SORL1: variants seen among roughly 807,000 people sequenced by gnomAD.
SORL1 encodes sortilin related receptor 1, also known as sortilin-related receptor.
Under a neutral mutation model 273.7 loss-of-function variants are expected in SORL1, and 127 were observed. The ratio of observed to expected loss-of-function variants is 0.46; its 90% confidence interval spans 0.40 to 0.54. SORL1 has a LOEUF of 0.54. Among genes scored for constraint, SORL1 ranks in the 20% least tolerant of loss-of-function variants. SORL1 has a pLI of 0.00. For synonymous variants in SORL1, 1,031 were observed against 1,067.4 expected, an observed-to-expected ratio of 0.97 and a Z score of 0.66; for missense variants, 2,494 against 2,846.1, an observed-to-expected ratio of 0.88 and a Z score of 2.81.
chr11:121,472,901 G>C (rs567186241), intron 2 of SORL1, among the ~76,000 whole-genome samples: 4 of 151,246 alleles, frequency 2.6e-5, no homozygotes, highest in Admixed American at 1.3e-4. Flanking sequence ...TGGAGGTTGC[G>C]ATGAGCTGAG....
At position 121,583,520 on chromosome 11, in the gene SORL1, C is replaced by T. The variant is rs776459268; in HGVS notation, c.3643C>T (p.Arg1215Trp). The change falls in exon 26 of 48, where the codon CGG (arginine) becomes TGG (tryptophan). Residue 1215 changes from arginine to tryptophan, a missense_variant. Around this residue, in one of 3 missense-constraint regions of SORL1, gnomAD observed 1,609 missense variants for 1,816.4 expected, o/e 0.89. Transcript: ENST00000260197. ...QCRNGHCIPQ[R>W]WACDGDTDCQ... ...CCGAAACGGGCACTGCATCCCCCAG[C>T]GGTGGGCGTGTGACGGGGATACGGA... The T allele has an allele frequency of 1.1e-5, 17 of 1,612,680 alleles. No homozygotes were observed. Among genetic ancestry groups the T allele is most frequent in the Non-Finnish European group, 1.3e-5 (15 of 1,179,394 alleles).
At chr11:121,618,665 C>A (rs1863673910) in intron 41 of SORL1, 109 bp from the exon 42 acceptor site, 2 of 1,332,140 alleles carry the variant, frequency 1.5e-6, no homozygotes, top group South Asian at 1.3e-5. Flanking sequence ...ATGAAGACTT[C>A]TCTGTGAGCT....
intron 12 of SORL1, among the ~76,000 whole-genome samples, chr11:121,534,791 A>G (rs549969109): frequency 5.1e-4 from 77 of 152,248 alleles, no homozygotes; most frequent in Non-Finnish European, 9.7e-4. Context: ...GGCTTCTGAC[A>G]AGACTGGATA....
rs142130330 is a variant in SORL1 at position 121,516,926 on chromosome 11, C to T, written c.1211+2605C>T. Among the ~76,000 whole-genome samples the T allele has an allele frequency of 4.0e-3, 615 of 152,230 alleles. 2 individuals carry two copies. The highest frequency in any genetic ancestry group is 6.6e-3 in the Non-Finnish European group (447 of 68,024). Reference sequence around the variant, plus strand: ...AATTAGCTGGGCGTGGTGGCACGTACCTATAGTCCCAGCTACTTGGGAGGC... The same window carrying T: ...AATTAGCTGGGCGTGGTGGCACGTATCTATAGTCCCAGCTACTTGGGAGGC... On this transcript the variant is annotated intron_variant, in intron 8 of 47. Transcript: ENST00000260197.
In SORL1 at chr11:121,512,990, T is replaced by A. The variant is rs750842628; in HGVS notation, c.940-13T>A. 3 of 1,604,260 alleles carry A rather than the reference T, an allele frequency of 1.9e-6. No homozygotes were observed. The highest frequency in any genetic ancestry group is 4.5e-5 in the East Asian group (2 of 44,836). On this transcript the variant is annotated splice_polypyrimidine_tract_variant and intron_variant, in intron 6 of 47. Transcript: ENST00000260197. Reference sequence around the variant, plus strand: ...TGGCACCATTAATTTTTTTTTCTCCTCTTCCTTGGCAGCATCTCTTGGGCA... The same window carrying A: ...TGGCACCATTAATTTTTTTTTCTCCACTTCCTTGGCAGCATCTCTTGGGCA...
chr11:121,627,275 C>G lies in SORL1; in HGVS notation c.6365-280C>G, dbSNP rs553111017. On this transcript the variant is annotated intron_variant, in intron 46 of 47. Transcript: ENST00000260197. This position sits in a 1 kb window ranked among gnomAD's most constrained non-coding sequence, Gnocchi z 4.9. ...AATGTTGATACCCCAACAAAGGTCT[C>G]CCTTCCAAGAGATTATCTAAATAAC... is the stretch of plus-strand genomic sequence containing the variant. 1 of 437,532 alleles carries G rather than the reference C, an allele frequency of 2.3e-6. No individual in the cohort carries two copies. Among genetic ancestry groups the G allele is most frequent in the East Asian group, 4.1e-5 (1 of 24,152 alleles). The allele number at this position is 437,532 out of a possible 1,614,324, so 27.1% of individuals were successfully genotyped here.
intron 25 of SORL1, among the ~76,000 whole-genome samples, chr11:121,577,895 T>G (rs1449177926): frequency 1.3e-5 from 2 of 152,192 alleles, no homozygotes; most frequent in African/African-American, 4.8e-5. Context: ...CTCATTCTTT[T>G]GTTGGGTTCG....
Position 121,602,011 on chromosome 11 carries a change from A to C in SORL1, c.4520-2182A>C, listed in dbSNP as rs528253264. On this transcript the variant is annotated intron_variant, in intron 32 of 47. Transcript: ENST00000260197. ...ATAACTCCCTGAGGACAGGTCCTTC[A>C]TCTGTTTTACATATCCCCATATTTT... 1.8e-4 allele frequency among the ~76,000 whole-genome samples: 27 copies of C among 152,324 alleles called. No homozygotes were observed. In the South Asian group the frequency reaches 5.6e-3, roughly 32 times the overall value.
chr11:121,506,517 A>G (rs1205488853), intron 6 of SORL1, among the ~76,000 whole-genome samples: 1 of 152,178 alleles, frequency 6.6e-6, no homozygotes. Flanking sequence ...CTTATTCACT[A>G]TCAGGAGAAC....
At chr11:121,555,946 A>G (rs1862575734) in intron 18 of SORL1, among the ~76,000 whole-genome samples, 1 of 152,168 alleles carries the variant, frequency 6.6e-6, no homozygotes, top group Non-Finnish European at 1.5e-5. Flanking sequence ...GAGAGACGGC[A>G]TGTGGGTGAA....
rs140500754 is a variant in SORL1, at chr11:121,560,093, G to A, written c.3049+436G>A. On this transcript the variant is annotated intron_variant, in intron 21 of 47. Coordinates refer to ENST00000260197, the MANE Select transcript of SORL1 (RefSeq NM_003105.6). ...CCAGATGACCTATTGCTCATTGACC[G>A]TACCTACCTCTGCTGGAATGGCACT... Among the ~76,000 whole-genome samples the A allele has an allele frequency of 6.3e-3, 967 of 152,328 alleles. 15 individuals carry two copies. The highest frequency in any genetic ancestry group is 0.037 in the Admixed American group (561 of 15,304).
chr11:121,543,858 T>A, intron 13 of SORL1, 132 bp downstream of exon 13: 2 of 758,566 alleles, frequency 2.6e-6, no homozygotes, highest in Non-Finnish European at 4.1e-6. Flanking sequence ...CCATAAGAGT[T>A]AGCAAAAAGC....
intron 47 of SORL1, 89 bp from the exon 48 acceptor site, chr11:121,629,407 G>A: frequency 1.3e-6 from 1 of 762,534 alleles, no homozygotes; most frequent in South Asian, 1.4e-5. Flanking sequence ...GAGGGTTGTG[G>A]TAGGGTTGAG....
intron 14 of SORL1, chr11:121,547,060 G>A (rs546400462): frequency 6.6e-6 from 1 of 152,342 alleles, no homozygotes; most frequent in East Asian, 1.9e-4. Flanking sequence ...AACAGCAAAA[G>A]CACAGGGCTG....
At chr11:121,616,993 A>C (rs1383716967) in intron 41 of SORL1, among the ~76,000 whole-genome samples, 9 of 152,236 alleles carry the variant, frequency 5.9e-5, no homozygotes, top group Admixed American at 5.9e-4. Context: ...TCCAGGCTAT[A>C]GGGAAATTTA....
chr11:121,549,863 A>C, intron 14 of SORL1, 97 bp from the exon 15 acceptor site: 1 of 1,025,254 alleles, frequency 9.8e-7, no homozygotes, highest in Non-Finnish European at 1.4e-6. Context: ...ACTTATAATA[A>C]AAGTGAAAAG....
At chr11:121,462,899 A>G (rs181307215) in intron 1 of SORL1, among the ~76,000 whole-genome samples, 61 of 152,132 alleles carry the variant, frequency 4.0e-4, no homozygotes, top group Non-Finnish European at 1.8e-4. Context: ...CTAGTATAGC[A>G]TCTGGTATAT....
rs1862630095 is a variant in SORL1, at chr11:121,558,736, G to A, written c.2809G>A (p.Asp937Asn). 1 of 1,614,174 alleles carries A rather than the reference G, an allele frequency of 6.2e-7. No individual in the cohort carries two copies. Among genetic ancestry groups the A allele is most frequent in the South Asian group, 1.1e-5 (1 of 91,082 alleles). Residue 937 changes from aspartate to asparagine, a missense_variant, in exon 20 of 48, where the codon GAT (aspartate) becomes AAT (asparagine). By Grantham distance (23) the Asp-to-Asn change is conservative. Coordinates refer to ENST00000260197, the MANE Select transcript of SORL1 (RefSeq NM_003105.6). ...GGACGACCAGTGGATTTACTGGACG[G>A]ATGCCTACCTGGAGTGCATAGAGCG... ...SVDDQWIYWT[D>N]AYLECIERIT...
intron 36 of SORL1, 74 bp from the exon 37 acceptor site, chr11:121,607,112 G>T: frequency 9.2e-7 from 1 of 1,087,600 alleles, no homozygotes; most frequent in Non-Finnish European, 1.4e-6. Context: ...CTCTCCTCCA[G>T]CCTCCTTGCA....
Sources: allele counts gnomAD v4.1 joint callset (sites outside exome capture counted in the v4.1 genomes callset), GRCh38; gene constraint gnomAD v4.1.1; regional missense constraint gnomAD v4.1.1; non-coding constraint Gnocchi (gnomAD v3.1); transcripts MANE v1.5; gene names NCBI Gene and HGNC (gene_info 2026-07-23, HGNC 2026-07-21).